Variants in EID3 observed in about 807,000 individuals in gnomAD.
EID3 encodes EP300-interacting inhibitor of differentiation 3.
Under a neutral mutation model 1.6 loss-of-function variants are expected in EID3, and 3 were observed. That is an observed-to-expected ratio of 1.87 (90% CI 0.85 to 4.83). The LOEUF is 4.83. EID3 is among the 30% of genes most tolerant of loss of function. EID3 has a pLI of 0.02. For synonymous variants in EID3, 164 were observed against 148.1 expected (o/e 1.11, Z -0.78); for missense variants, 471 against 409.9 (o/e 1.15, Z -1.29).
Position 104,304,728 on chromosome 12 carries a change from T to TTGTA in EID3, c.795_798dup (p.Arg267CysfsTer11). On this transcript the variant is annotated frameshift_variant, in exon 1 of 1. Coordinates refer to ENST00000527879, the MANE Select transcript of EID3 (RefSeq NM_001008394.3). LOFTEE classifies it low-confidence loss of function (END_TRUNC). Reference sequence around the variant, plus strand: ...GAGAATATATTTTATGTTTCTTTTATTGTAAGAGATGGTTTTGCAAGAATA... The same window carrying TTGTA: ...GAGAATATATTTTATGTTTCTTTTATTGTATGTAAGAGATGGTTTTGCAAGAATA... 1 of 1,613,738 alleles carries TTGTA rather than the reference T, an allele frequency of 6.2e-7. No individual in the cohort carries two copies. The highest frequency in any genetic ancestry group is 1.1e-5 in the South Asian group (1 of 91,036).
At position 104,303,991 on chromosome 12, in the gene EID3, G is replaced by A; in HGVS notation, c.57G>A (p.Gly19=). ...AAGCSDDLSS[G]EADVDPKLLE... ...GCTGCTCCGACGACCTCAGCTCTGG[G>A]GAGGCCGACGTAGACCCAAAGCTCC... is the stretch of plus-strand genomic sequence containing the variant. Residue 19 remains glycine (G), a synonymous_variant, in exon 1 of 1, where the codon GGG becomes GGA. Transcript: ENST00000527879. The A allele has an allele frequency of 4.4e-6, 7 of 1,608,992 alleles. No homozygotes were observed. The highest frequency in any genetic ancestry group is 5.9e-6 in the Non-Finnish European group (7 of 1,179,802).
Position 104,305,113 on chromosome 12 carries a change from C to T in EID3, c.*177C>T, listed in dbSNP as rs1435012808. On this transcript the variant is annotated 3_prime_UTR_variant, in exon 1 of 1. Coordinates refer to ENST00000527879, the MANE Select transcript of EID3 (RefSeq NM_001008394.3). ...TAGTAATTTATAAGGTCATGATCTT[C>T]TGTTATTAAAACAAATTCACTGGCA... is the stretch of plus-strand genomic sequence containing the variant. 2 of 617,112 alleles carry T rather than the reference C, an allele frequency of 3.2e-6. No homozygotes were observed. The highest frequency in any genetic ancestry group is 1.9e-5 in the African/African-American group (1 of 52,242). The allele number at this position is 617,112 out of a possible 1,614,324, so 38.2% of individuals were successfully genotyped here. A position where few individuals can be genotyped will look rare whatever the true frequency, so the allele number is the denominator to read the frequency against.
At position 104,304,662 on chromosome 12, in the gene EID3, T is replaced by C. The variant is rs2034812180; in HGVS notation, c.728T>C (p.Phe243Ser). The C allele has an allele frequency of 2.5e-6, 4 of 1,613,886 alleles. No homozygotes were observed. The highest frequency in any genetic ancestry group is 1.3e-5 in the African/African-American group (1 of 74,956). ...RKYPDTPVSY[F>S]EFVIDPNSFS... ...TATCCTGATACTCCTGTGTCCTATT[T>C]TGAGTTTGTGATTGATCCAAACTCT... Residue 243 changes from phenylalanine (F) to serine (S), a missense_variant, in exon 1 of 1, where the codon TTT (phenylalanine) becomes TCT (serine). Phe to Ser is a radical substitution (Grantham distance 155, BLOSUM62 -2). Coordinates refer to ENST00000527879, the MANE Select transcript of EID3 (RefSeq NM_001008394.3).
rs1481835777 is a variant in EID3, at chr12:104,303,784, T to G, written c.-151T>G. ...CTAACTGCCGCCACTTTCCACACGC[T>G]GGGAGGGCCGTTACCTCAGAGATAC... On this transcript the variant is annotated 5_prime_UTR_variant, in exon 1 of 1. Transcript: ENST00000527879. The G allele has an allele frequency of 2.3e-6, 3 of 1,277,434 alleles. No homozygotes were observed. Among genetic ancestry groups the G allele is most frequent in the Admixed American group, 6.3e-5 (2 of 31,936 alleles). 79.1% of individuals were successfully genotyped at this position (1,277,434 alleles called of 1,614,324 possible). A position where few individuals can be genotyped will look rare whatever the true frequency, so the allele number is the denominator to read the frequency against.
chr12:104,303,833 A>G lies in EID3; in HGVS notation c.-102A>G, dbSNP rs2034752304. 2 of 1,433,470 alleles carry G rather than the reference A, an allele frequency of 1.4e-6. No individual in the cohort carries two copies. The highest frequency in any genetic ancestry group is 2.9e-5 in the African/African-American group (2 of 69,796). The allele number at this position is 1,433,470 out of a possible 1,614,324, so 88.8% of individuals were successfully genotyped here. The stretch of plus-strand genomic sequence containing the variant: ...ACCCGTGGCCGGCATGTTGGTTGAA[A>G]AAGCTTCCCGGAAGGGAGACGAAGA... On this transcript the variant is annotated 5_prime_UTR_variant, in exon 1 of 1. Coordinates refer to ENST00000527879, the MANE Select transcript of EID3 (RefSeq NM_001008394.3).
chr12:104,303,983 A>T lies in EID3; in HGVS notation c.49A>T (p.Ser17Cys). The T allele has an allele frequency of 6.2e-7, 1 of 1,607,878 alleles. No homozygotes were observed. Among genetic ancestry groups the T allele is most frequent in the Non-Finnish European group, 8.5e-7 (1 of 1,179,732 alleles). Residue 17 changes from serine to cysteine, a missense_variant, in exon 1 of 1, where the codon AGC becomes TGC. Physicochemically the swap from Ser to Cys is moderately radical, Grantham distance 112. Coordinates refer to ENST00000527879, the MANE Select transcript of EID3 (RefSeq NM_001008394.3). ...GGCCGCGGGCTGCTCCGACGACCTC[A>T]GCTCTGGGGAGGCCGACGTAGACCC... Reference protein sequence around the residue: ...VRAAGCSDDLSSGEADVDPKL... With the variant: ...VRAAGCSDDLCSGEADVDPKL...
Position 104,303,871 on chromosome 12 carries a change from G to A in EID3, c.-64G>A. The A allele has an allele frequency of 1.3e-6, 2 of 1,482,784 alleles. No homozygotes were observed. Among genetic ancestry groups the A allele is most frequent in the Non-Finnish European group, 1.8e-6 (2 of 1,123,396 alleles). 91.9% of individuals were successfully genotyped at this position (1,482,784 alleles called of 1,614,324 possible). A position where few individuals can be genotyped will look rare whatever the true frequency, so the allele number is the denominator to read the frequency against. On this transcript the variant is annotated 5_prime_UTR_variant, in exon 1 of 1. Transcript: ENST00000527879. ...AGGGAGACGAAGAGAAAGGAGAGGA[G>A]CAGCTCGTGATCATCCCCGGTAGCG...
In EID3 at chr12:104,304,705, G is replaced by A. The variant is rs201124067; in HGVS notation, c.771G>A (p.Glu257=). Reference sequence around the variant, plus strand: ...CAAACTCTTTTTCTCGTACTGTGGAGAATATATTTTATGTTTCTTTTATTG... The same window carrying A: ...CAAACTCTTTTTCTCGTACTGTGGAAAATATATTTTATGTTTCTTTTATTG... The part of the protein sequence containing the change: ...IDPNSFSRTV[E]NIFYVSFIVR... The change falls in exon 1 of 1, where the codon GAG becomes GAA. Residue 257 remains glutamate, a synonymous_variant. Coordinates refer to ENST00000527879, the MANE Select transcript of EID3 (RefSeq NM_001008394.3). The A allele has an allele frequency of 5.0e-6, 8 of 1,613,662 alleles. No individual in the cohort carries two copies. In the African/African-American group the frequency reaches 1.1e-4, roughly 22 times the overall value.
Position 104,303,880 on chromosome 12 carries a change from G to C in EID3, c.-55G>C. ...AAGAGAAAGGAGAGGAGCAGCTCGTGATCATCCCCGGTAGCGAGTACGCGG... is the reference window on the plus strand; with the variant it reads ...AAGAGAAAGGAGAGGAGCAGCTCGTCATCATCCCCGGTAGCGAGTACGCGG... On this transcript the variant is annotated 5_prime_UTR_variant, in exon 1 of 1. Coordinates refer to ENST00000527879, the MANE Select transcript of EID3 (RefSeq NM_001008394.3). The C allele has an allele frequency of 4.0e-6, 6 of 1,502,564 alleles. No individual in the cohort carries two copies. In the South Asian group the frequency reaches 5.2e-5, roughly 13 times the overall value. 93.1% of individuals were successfully genotyped at this position (1,502,564 alleles called of 1,614,324 possible).
rs1240267522 is a variant in EID3 at position 104,303,788 on chromosome 12, A to C, written c.-147A>C. 1 of 1,281,114 alleles carries C rather than the reference A, an allele frequency of 7.8e-7. No homozygotes were observed. Among genetic ancestry groups the C allele is most frequent in the African/African-American group, 1.5e-5 (1 of 65,954 alleles). The allele number at this position is 1,281,114 out of a possible 1,614,324, so 79.4% of individuals were successfully genotyped here. ...CTGCCGCCACTTTCCACACGCTGGG[A>C]GGGCCGTTACCTCAGAGATACCCGT... On this transcript the variant is annotated 5_prime_UTR_variant, in exon 1 of 1. Coordinates refer to ENST00000527879, the MANE Select transcript of EID3 (RefSeq NM_001008394.3).
chr12:104,304,539 C>T lies in EID3; in HGVS notation c.605C>T (p.Pro202Leu). 1 of 1,613,978 alleles carries T rather than the reference C, an allele frequency of 6.2e-7. No homozygotes were observed. The highest frequency in any genetic ancestry group is 1.3e-5 in the African/African-American group (1 of 75,026). Residue 202 changes from proline to leucine, a missense_variant, in exon 1 of 1, where the codon CCT becomes CTT. Pro to Leu is a moderately conservative substitution (Grantham distance 98). Transcript: ENST00000527879. Reference protein sequence around the residue: ...VRKMEENGNMPTKLQKLDLSS... With the variant: ...VRKMEENGNMLTKLQKLDLSS... ...AAGATGGAAGAAAATGGCAACATGCCTACAAAGTTGCAGAAGTTGGACCTG... is the reference window on the plus strand; with the variant it reads ...AAGATGGAAGAAAATGGCAACATGCTTACAAAGTTGCAGAAGTTGGACCTG...
At position 104,303,951 on chromosome 12, in the gene EID3, CAGTG is replaced by C; in HGVS notation, c.20_23del (p.Val7GlyfsTer16). On this transcript the variant is annotated frameshift_variant, in exon 1 of 1. Coordinates refer to ENST00000527879, the MANE Select transcript of EID3 (RefSeq NM_001008394.3). LOFTEE classifies it low-confidence loss of function (END_TRUNC). ...GGAGCGCTGATGAAGATGGATGTGT[CAGTG>C]AGGGCCGCGGGCTGCTCCGACGACC... 13 of 1,599,134 alleles carry C rather than the reference CAGTG, an allele frequency of 8.1e-6. No homozygotes were observed. Among genetic ancestry groups the C allele is most frequent in the African/African-American group, 1.3e-5 (1 of 74,892 alleles).
rs1238621679 is a variant in EID3, at chr12:104,304,095, A to G, written c.161A>G (p.Asn54Ser). The G allele has an allele frequency of 6.2e-7, 1 of 1,613,830 alleles. No individual in the cohort carries two copies. The highest frequency in any genetic ancestry group is 1.3e-5 in the African/African-American group (1 of 74,930). The change falls in exon 1 of 1, where the codon AAC becomes AGC. Residue 54 changes from asparagine (N) to serine (S), a missense_variant. Coordinates refer to ENST00000527879, the MANE Select transcript of EID3 (RefSeq NM_001008394.3). The part of the protein sequence containing the change: ...YRQLMYCVRQ[N>S]REDIVSSANN... ...CAGCTCATGTACTGCGTGCGGCAGA[A>G]CCGGGAGGACATCGTGAGCTCGGCG...
Position 104,305,147 on chromosome 12 carries a change from G to A in EID3, c.*211G>A. ...AAACAAATTCACTGGCATATTTATG[G>A]GAACGTTTTATTGAATGCCCTTTAA... On this transcript the variant is annotated 3_prime_UTR_variant, in exon 1 of 1. Transcript: ENST00000527879. The A allele has an allele frequency of 2.1e-6, 1 of 484,508 alleles. No individual in the cohort carries two copies. Among genetic ancestry groups the A allele is most frequent in the Non-Finnish European group, 3.5e-6 (1 of 283,910 alleles). The allele number at this position is 484,508 out of a possible 1,614,324, so 30.0% of individuals were successfully genotyped here.
chr12:104,304,421 G>A lies in EID3; in HGVS notation c.487G>A (p.Val163Ile). ...AGAAAAGGAAGCAACATCCTGGATG[G>A]TAAAAGCTGAGACATTCCATTTTGT... Reference protein sequence around the residue: ...AIEKEATSWMVKAETFHFVFG... With the variant: ...AIEKEATSWMIKAETFHFVFG... The change falls in exon 1 of 1, where the codon GTA (valine) becomes ATA (isoleucine). Residue 163 changes from valine to isoleucine, a missense_variant. By Grantham distance (29) the Val-to-Ile change is conservative (BLOSUM62 3). Transcript: ENST00000527879. 6.2e-7 allele frequency: 1 copy of A among 1,614,020 alleles called. No homozygotes were observed.
In EID3 at chr12:104,304,050, G is replaced by C. The variant is rs1449333393; in HGVS notation, c.116G>C (p.Ser39Thr). ...ELTADEEKCRSIRRQYRQLMY... is the reference protein window; with the variant it reads ...ELTADEEKCRTIRRQYRQLMY... ...ACCGCTGACGAGGAGAAGTGCCGCA[G>C]CATCCGCAGGCAGTACCGGCAGCTC... Residue 39 changes from serine to threonine, a missense_variant, in exon 1 of 1, where the codon AGC becomes ACC. By Grantham distance (58) the Ser-to-Thr change is moderately conservative. Transcript: ENST00000527879. The C allele has an allele frequency of 6.2e-7, 1 of 1,613,594 alleles. No individual in the cohort carries two copies. The highest frequency in any genetic ancestry group is 8.5e-7 in the Non-Finnish European group (1 of 1,179,898).
chr12:104,304,120 G>A lies in EID3; in HGVS notation c.186G>A (p.Ala62=). The change falls in exon 1 of 1, where the codon GCG becomes GCA. Residue 62 remains alanine (A), a synonymous_variant. Coordinates refer to ENST00000527879, the MANE Select transcript of EID3 (RefSeq NM_001008394.3). ...ACCGGGAGGACATCGTGAGCTCGGC[G>A]AACAACTCCTTAACCGAGGCTCTGG... ...RQNREDIVSS[A]NNSLTEALEE... is the part of the protein sequence containing the mutation. 6.2e-7 allele frequency: 1 copy of A among 1,614,052 alleles called. No individual in the cohort carries two copies. The highest frequency in any genetic ancestry group is 1.6e-4 in the Middle Eastern group (1 of 6,062).
Position 104,304,706 on chromosome 12 carries a change from A to G in EID3, c.772A>G (p.Asn258Asp). ...DPNSFSRTVE[N>D]IFYVSFIVRD... ...AAACTCTTTTTCTCGTACTGTGGAG[A>G]ATATATTTTATGTTTCTTTTATTGT... Residue 258 changes from asparagine to aspartate, a missense_variant, in exon 1 of 1, where the codon AAT becomes GAT. Asn to Asp is a conservative substitution (Grantham distance 23). Transcript: ENST00000527879. 4 of 1,613,680 alleles carry G rather than the reference A, an allele frequency of 2.5e-6. No homozygotes were observed. Among genetic ancestry groups the G allele is most frequent in the Non-Finnish European group, 3.4e-6 (4 of 1,179,810 alleles).
At position 104,303,759 on chromosome 12, in the gene EID3, C is replaced by CT; in HGVS notation, c.-175dup. The CT allele has an allele frequency of 8.9e-7, 1 of 1,128,514 alleles. No individual in the cohort carries two copies. 69.9% of individuals were successfully genotyped at this position (1,128,514 alleles called of 1,614,324 possible). On this transcript the variant is annotated 5_prime_UTR_variant, in exon 1 of 1. It removes the in-frame stop codon of an upstream open reading frame in the 5' UTR. Transcript: ENST00000527879. ...TGCGCATGGGCGGGCGTCCTCGGCT[C>CT]TAACTGCCGCCACTTTCCACACGCT... is the stretch of plus-strand genomic sequence containing the variant.
Sources: allele counts gnomAD v4.1 joint callset, GRCh38; gene constraint gnomAD v4.1.1; transcripts MANE v1.5; gene names NCBI Gene and HGNC (gene_info 2026-07-23, HGNC 2026-07-21).